AEBP1: variants seen among roughly 807,000 people sequenced by gnomAD.
AEBP1 encodes the protein adipocyte enhancer-binding protein 1.
Under a neutral mutation model 116.5 loss-of-function variants are expected in AEBP1, and 69 were observed. The ratio of observed to expected loss-of-function variants is 0.59; its 90% CI spans 0.49 to 0.72. The LOEUF (loss-of-function observed/expected upper bound fraction) is 0.72. AEBP1 is among the 30% of genes least tolerant of loss of function. The pLI is 0.00. For missense variants in AEBP1, 1,444 were observed against 1,557.5 expected (o/e 0.93, Z 1.23); for synonymous variants, 627 against 627.3 (o/e 1.00, Z 0.01).
At chr7:44,106,272 G>T (rs935381870) in intron 1 of AEBP1, 2 of 625,700 alleles carry the variant, frequency 3.2e-6, no homozygotes, top group Non-Finnish European at 5.9e-6. Flanking sequence ...TTTGGCAGGT[G>T]GGGGGATGAG....
rs963594196 is a variant in AEBP1, at chr7:44,112,872, C to G, written c.2532C>G (p.Gly844=). The change falls in exon 18 of 21, where the codon GGC becomes GGG. Residue 844 remains glycine (G), a synonymous_variant. Transcript: ENST00000223357. The surrounding 1 kb of genome is among the most constrained non-coding windows in gnomAD (Gnocchi z 6.6). ...CCCAGGACTACACCGGCGGCATGGGCATCGTCAACGGGGCCAAGTGGAACC... is the reference window on the plus strand; with the variant it reads ...CCCAGGACTACACCGGCGGCATGGGGATCGTCAACGGGGCCAAGTGGAACC... ...CQAQDYTGGM[G]IVNGAKWNPR... is the part of the protein sequence containing the mutation. 6.2e-7 allele frequency: 1 copy of G among 1,612,232 alleles called. No homozygotes were observed.
At position 44,110,910 on chromosome 7, in the gene AEBP1, C is replaced by A; in HGVS notation, c.1486-3C>A. The A allele has an allele frequency of 6.2e-7, 1 of 1,613,918 alleles. No individual in the cohort carries two copies. The stretch of plus-strand genomic sequence containing the variant: ...TACTGCTCTGAGGCCTGCCTCTCCC[C>A]AGACCTTTCATGGGAACGTGGACAA... On this transcript the variant is annotated splice_region_variant and splice_polypyrimidine_tract_variant and intron_variant, in intron 12 of 20. Coordinates refer to ENST00000223357, the MANE Select transcript of AEBP1 (RefSeq NM_001129.5).
Position 44,112,389 on chromosome 7 carries a change from C to A in AEBP1, c.2217+68C>A. The A allele has an allele frequency of 6.7e-7, 1 of 1,495,156 alleles. No individual in the cohort carries two copies. Among genetic ancestry groups the A allele is most frequent in the Non-Finnish European group, 8.9e-7 (1 of 1,118,908 alleles). The allele number at this position is 1,495,156 out of a possible 1,614,324, so 92.6% of individuals were successfully genotyped here. On this transcript the variant is annotated intron_variant, in intron 17 of 20. Coordinates refer to ENST00000223357, the MANE Select transcript of AEBP1 (RefSeq NM_001129.5). This position sits in a 1 kb window ranked among gnomAD's most constrained non-coding sequence, Gnocchi z 6.6. ...GACCCTGGGGTCCTGGTGTTCTGGG[C>A]TTGGGGGTGGGGCTGACGGTGCCTG...
chr7:44,104,578 G>A lies in AEBP1; in HGVS notation c.-88G>A. On this transcript the variant is annotated 5_prime_UTR_variant, in exon 1 of 21. Coordinates refer to ENST00000223357, the MANE Select transcript of AEBP1 (RefSeq NM_001129.5). The stretch of plus-strand genomic sequence containing the variant: ...CGCCCCTTCCTGGATTCCCTCACCC[G>A]TCTCGATCCCCTCTCCGCCCTTTCC... 1.1e-6 allele frequency: 1 copy of A among 870,558 alleles called. No homozygotes were observed. Among genetic ancestry groups the A allele is most frequent in the Non-Finnish European group, 1.6e-6 (1 of 621,936 alleles). 53.9% of individuals were successfully genotyped at this position (870,558 alleles called of 1,614,324 possible).
chr7:44,104,944 T>G (rs1554326455), intron 1 of AEBP1, 26 bp downstream of exon 1: 4 of 1,486,010 alleles, frequency 2.7e-6, no homozygotes, highest in Middle Eastern at 1.9e-4. Flanking sequence ...AGGGCGGGGG[T>G]GTGGGGGGCT....
chr7:44,108,861 G>C lies in AEBP1; in HGVS notation c.941-38G>C. On this transcript the variant is annotated intron_variant, in intron 6 of 20. Transcript: ENST00000223357. The surrounding 1 kb of genome is among the most constrained non-coding windows in gnomAD (Gnocchi z 5.0). The stretch of plus-strand genomic sequence containing the variant: ...ACCCAGGAGCTGAGGCCCCGCAGCA[G>C]GGTCAGGGCAGCCTCAGCTGGCTCT... The C allele has an allele frequency of 1.3e-6, 2 of 1,544,718 alleles. No individual in the cohort carries two copies. The highest frequency in any genetic ancestry group is 2.4e-5 in the East Asian group (1 of 41,082).
chr7:44,113,262 G>A lies in AEBP1; in HGVS notation c.2720G>A (p.Gly907Asp), dbSNP rs1470468110. 6.2e-7 allele frequency: 1 copy of A among 1,613,612 alleles called. No individual in the cohort carries two copies. The highest frequency in any genetic ancestry group is 1.3e-5 in the African/African-American group (1 of 74,856). ...CACCTGCTTCCCTAGGTGCACCGCG[G>A]CATTAAGGGGGTGGTGACGGACGAG... Reference protein sequence around the residue: ...LLTFMEQVHRGIKGVVTDEQG... With the variant: ...LLTFMEQVHRDIKGVVTDEQG... The change falls in exon 20 of 21, where the codon GGC becomes GAC. Residue 907 changes from glycine (G) to aspartate (D), a missense_variant. Transcript: ENST00000223357. The surrounding 1 kb of genome is among the most constrained non-coding windows in gnomAD (Gnocchi z 5.3).
Position 44,106,878 on chromosome 7 carries a change from C to A in AEBP1, c.586C>A (p.Gln196Lys). 1 of 1,573,630 alleles carries A rather than the reference C, an allele frequency of 6.4e-7. No homozygotes were observed. Among genetic ancestry groups the A allele is most frequent in the South Asian group, 1.2e-5 (1 of 86,798 alleles). Residue 196 changes from glutamine (Q) to lysine (K), a missense_variant, in exon 2 of 21, where the codon CAG (glutamine) becomes AAG (lysine). Physicochemically the swap from Gln to Lys is moderately conservative, Grantham distance 53. Transcript: ENST00000223357. The part of the protein sequence containing the change: ...PPSPGPEELP[Q>K]EGGAPLSNNW... ...CAGCCCTGGCCCCGAGGAGCTACCC[C>A]AGGAGGGAGGTTTGTGCCGGGCTCC...
At position 44,106,853 on chromosome 7, in the gene AEBP1, CA is replaced by C; in HGVS notation, c.562del (p.Ser188AlafsTer104). 1 of 1,598,346 alleles carries C rather than the reference CA, an allele frequency of 6.3e-7. No homozygotes were observed. Among genetic ancestry groups the C allele is most frequent in the Non-Finnish European group, 8.5e-7 (1 of 1,173,918 alleles). On this transcript the variant is annotated frameshift_variant, in exon 2 of 21. Coordinates refer to ENST00000223357, the MANE Select transcript of AEBP1 (RefSeq NM_001129.5). LOFTEE classifies it high-confidence loss of function. ...TGGAGTGGCCACTGCCCCCACCCCC[CA>C]GCCCTGGCCCCGAGGAGCTACCCCA... Reference protein sequence around the residue: ...TLEWPLPPPPSPGPEELPQEG... With the variant: ...TLEWPLPPPPXPGPEELPQEG...
At position 44,109,136 on chromosome 7, in the gene AEBP1, AAGG is replaced by A. The variant is rs776612900; in HGVS notation, c.1054_1056del (p.Glu352del). 402 of 1,613,646 alleles carry A rather than the reference AAGG, an allele frequency of 2.5e-4. 2 individuals are homozygous for A. The Middle Eastern group carries it at 6.3e-3, about 25-fold the overall frequency. On this transcript the variant is annotated inframe_deletion, in exon 8 of 21. Coordinates refer to ENST00000223357, the MANE Select transcript of AEBP1 (RefSeq NM_001129.5). ...ACCCAAAAAGGAGGACAGCAGCCCC[AAGG>A]AGGAGACCGACAAGTGGGCAGTGGA...
chr7:44,112,558 G>A lies in AEBP1; in HGVS notation c.2218G>A (p.Val740Ile), dbSNP rs1231811518. The A allele has an allele frequency of 2.5e-6, 4 of 1,578,722 alleles. No homozygotes were observed. In the East Asian group the frequency reaches 9.0e-5, roughly 36 times the overall value. Residue 740 changes from valine (V) to isoleucine (I), a missense_variant and splice_region_variant, in exon 18 of 21, where the codon GTA becomes ATA. By Grantham distance (29) the Val-to-Ile change is conservative (BLOSUM62 3). Transcript: ENST00000223357. The surrounding 1 kb of genome is among the most constrained non-coding windows in gnomAD (Gnocchi z 6.6). Reference sequence around the variant, plus strand: ...GCCTCACACGTGCTGGCCACTCCAGGTATCCACGGAGGTCCGGGCCATCAT... The same window carrying A: ...GCCTCACACGTGCTGGCCACTCCAGATATCCACGGAGGTCCGGGCCATCAT... The part of the protein sequence containing the change: ...PERYLSPDAT[V>I]STEVRAIIAW...
At position 44,106,642 on chromosome 7, in the gene AEBP1, C is replaced by T. The variant is rs990279693; in HGVS notation, c.350C>T (p.Pro117Leu). Residue 117 changes from proline to leucine, a missense_variant, in exon 2 of 21, where the codon CCC (proline) becomes CTC (leucine). Physicochemically the swap from Pro to Leu is moderately conservative, Grantham distance 98 (BLOSUM62 -3). Coordinates refer to ENST00000223357, the MANE Select transcript of AEBP1 (RefSeq NM_001129.5). ...KESLEGSPRP[P>L]KKGKEKPPKA... ...TCCTTGGAGGGGTCCCCCAGGCCGC[C>T]CAAGAAGGGGAAGGAGAAGCCACCC... is the stretch of plus-strand genomic sequence containing the variant. 4 of 1,613,042 alleles carry T rather than the reference C, an allele frequency of 2.5e-6. No homozygotes were observed. The highest frequency in any genetic ancestry group is 2.5e-6 in the Non-Finnish European group (3 of 1,179,816).
rs1257820435 is a variant in AEBP1 at position 44,106,843 on chromosome 7, C to T, written c.551C>T (p.Pro184Leu). Residue 184 changes from proline (P) to leucine (L), a missense_variant, in exon 2 of 21, where the codon CCC becomes CTC. By Grantham distance (98) the Pro-to-Leu change is moderately conservative. Transcript: ENST00000223357. ...APSETLEWPLPPPPSPGPEEL... is the reference protein window; with the variant it reads ...APSETLEWPLLPPPSPGPEEL... The stretch of plus-strand genomic sequence containing the variant: ...TCAGAAACCCTGGAGTGGCCACTGC[C>T]CCCACCCCCCAGCCCTGGCCCCGAG... 4.4e-6 allele frequency: 7 copies of T among 1,603,850 alleles called. No homozygotes were observed. The highest frequency in any genetic ancestry group is 6.0e-6 in the Non-Finnish European group (7 of 1,176,062).
chr7:44,108,012 C>A lies in AEBP1; in HGVS notation c.868C>A (p.Pro290Thr). The A allele has an allele frequency of 6.3e-7, 1 of 1,588,598 alleles. No individual in the cohort carries two copies. ...TAACCTCCCCGCCTCCCCAGAGCCT[C>A]CTGTGAAGCCTCTGCTGCCCCCGCT... ...APAPEERIEP[P>T]VKPLLPPLPP... The change falls in exon 6 of 21, where the codon CCT becomes ACT. Residue 290 changes from proline to threonine, a missense_variant. Physicochemically the swap from Pro to Thr is conservative, Grantham distance 38. Coordinates refer to ENST00000223357, the MANE Select transcript of AEBP1 (RefSeq NM_001129.5). The surrounding 1 kb of genome is among the most constrained non-coding windows in gnomAD (Gnocchi z 5.0).
In AEBP1 at chr7:44,112,484, G is replaced by A. The variant is rs2096230613; in HGVS notation, c.2218-74G>A. On this transcript the variant is annotated intron_variant, in intron 17 of 20. Coordinates refer to ENST00000223357, the MANE Select transcript of AEBP1 (RefSeq NM_001129.5). The surrounding 1 kb of genome is among the most constrained non-coding windows in gnomAD (Gnocchi z 6.6). ...TGCGAGTACTGGTGTGAAGCTTCATGGAGGGTGATCGGGCTAGGTTGGGGA... is the reference window on the plus strand; with the variant it reads ...TGCGAGTACTGGTGTGAAGCTTCATAGAGGGTGATCGGGCTAGGTTGGGGA... The A allele has an allele frequency of 2.8e-6, 4 of 1,425,166 alleles. No individual in the cohort carries two copies. In the East Asian group the frequency reaches 7.1e-5, roughly 25 times the overall value. 88.3% of individuals were successfully genotyped at this position (1,425,166 alleles called of 1,614,324 possible).
chr7:44,111,656 T>C lies in AEBP1; in HGVS notation c.1840+26T>C. 1 of 1,608,806 alleles carries C rather than the reference T, an allele frequency of 6.2e-7. No individual in the cohort carries two copies. Among genetic ancestry groups the C allele is most frequent in the East Asian group, 2.2e-5 (1 of 44,858 alleles). On this transcript the variant is annotated intron_variant, in intron 15 of 20. Transcript: ENST00000223357. The surrounding 1 kb of genome is among the most constrained non-coding windows in gnomAD (Gnocchi z 4.7). ...GTGAGGGTCTGTGGGGGCCAGCAGC[T>C]GGCCTCTGCTGCTGATGTGCAGAGC...
Position 44,114,233 on chromosome 7 carries a change from C to A in AEBP1, c.3449C>A (p.Thr1150Asn). The A allele has an allele frequency of 6.2e-7, 1 of 1,605,456 alleles. No homozygotes were observed. Among genetic ancestry groups the A allele is most frequent in the Non-Finnish European group, 8.5e-7 (1 of 1,176,034 alleles). Residue 1150 changes from threonine to asparagine, a missense_variant, in exon 21 of 21, where the codon ACC becomes AAC. Physicochemically the swap from Thr to Asn is moderately conservative, Grantham distance 65. Coordinates refer to ENST00000223357, the MANE Select transcript of AEBP1 (RefSeq NM_001129.5). ...GQAFPFTTVETYTVNFGDF is the reference protein window; with the variant it reads ...GQAFPFTTVENYTVNFGDF ...GCATTCCCCTTCACAACAGTAGAGA[C>A]CTACACAGTGAACTTTGGGGACTTC...
In AEBP1 at chr7:44,112,473, T is replaced by C; in HGVS notation, c.2218-85T>C. On this transcript the variant is annotated intron_variant, in intron 17 of 20. Transcript: ENST00000223357. This position sits in a 1 kb window ranked among gnomAD's most constrained non-coding sequence, Gnocchi z 6.6. ...ACAGGGGATCGTGCGAGTACTGGTG[T>C]GAAGCTTCATGGAGGGTGATCGGGC... The C allele has an allele frequency of 3.5e-6, 5 of 1,414,426 alleles. No individual in the cohort carries two copies. The East Asian group carries it at 9.4e-5, about 27-fold the overall frequency. 87.6% of individuals were successfully genotyped at this position (1,414,426 alleles called of 1,614,324 possible).
intron 1 of AEBP1, chr7:44,106,298 A>C: frequency 1.1e-5 from 7 of 656,296 alleles, no homozygotes; most frequent in East Asian, 3.0e-5. Context: ...CCCCCTGGGA[A>C]CTGGGAACCC....
Sources: gnomAD v4.1 joint callset for allele counts on GRCh38, gnomAD v4.1.1 for gene constraint, Gnocchi (gnomAD v3.1) non-coding constraint, MANE v1.5 for transcripts, NCBI Gene and HGNC (gene_info 2026-07-23, HGNC 2026-07-21) for gene names.